Variants in POLR1E observed in about 807,000 individuals in gnomAD.
POLR1E encodes DNA-directed RNA polymerase I subunit RPA49.
In POLR1E, 37 loss-of-function variants were observed where a neutral mutation model predicts 50.9. That is an observed-to-expected ratio of 0.73 (90% CI 0.56 to 0.96). The LOEUF is 0.96. Ranked by LOEUF, POLR1E falls within the 40% of genes least tolerant of loss-of-function variation. POLR1E has a pLI of 0.00. For missense variants in POLR1E, 426 were observed against 518.1 expected, an observed-to-expected ratio of 0.82 and a Z score of 1.73; for synonymous variants, 166 against 191.6, an observed-to-expected ratio of 0.87 and a Z score of 1.10.
At chr9:37,489,235 C>CAA (rs533858952) in intron 3 of POLR1E, 80 bp from the exon 4 acceptor site, 37,787 of 912,004 alleles carry the variant, frequency 0.041, 378 homozygotes, top group African/African-American at 0.11. Flanking sequence ...GACTCTGTCT[C>CAA]AAAAAAAAAA....
chr9:37,500,333 C>T (rs1273506062), intron 9 of POLR1E, among the ~76,000 whole-genome samples: 7 of 151,714 alleles, frequency 4.6e-5, no homozygotes, highest in Admixed American at 3.3e-4. Flanking sequence ...TAGAGGTTTG[C>T]GCCACCATAC....
intron 3 of POLR1E, among the ~76,000 whole-genome samples, chr9:37,488,695 C>T (rs566976577): frequency 2.0e-5 from 3 of 152,174 alleles, no homozygotes; most frequent in East Asian, 3.9e-4. Flanking sequence ...ATTCTAGGTT[C>T]GTACACCCCA....
At chr9:37,489,424 A>G (rs898647850) in intron 4 of POLR1E, 24 bp downstream of exon 4, 6 of 1,536,708 alleles carry the variant, frequency 3.9e-6, no homozygotes, top group Non-Finnish European at 5.3e-6. Context: ...ATGAAAGCTG[A>G]CAGAAATAAT....
rs867825256 is a variant in POLR1E at position 37,495,035 on chromosome 9, C to T, written c.548-134C>T. On this transcript the variant is annotated intron_variant, in intron 6 of 11. Coordinates refer to ENST00000377798, the MANE Select transcript of POLR1E (RefSeq NM_022490.4). ...TGAAGCAGTCAGCCTGATGGGGAGG[C>T]GAGGTCACTTTGGCAGAAGCATTTA... The T allele has an allele frequency of 8.7e-5, 61 of 701,664 alleles. 1 individual carries two copies. In the Middle Eastern group the frequency reaches 4.4e-3, roughly 50 times the overall value. The allele number at this position is 701,664 out of a possible 1,614,324, so 43.5% of individuals were successfully genotyped here.
At chr9:37,492,498 T>C (rs1040425883) in intron 4 of POLR1E, 159 bp from the exon 5 acceptor site, 16 of 822,546 alleles carry the variant, frequency 1.9e-5, no homozygotes, top group Non-Finnish European at 3.1e-5. Context: ...TAAAGCTGCA[T>C]ATTAAATATT....
intron 11 of POLR1E, 25 bp from the exon 12 acceptor site, chr9:37,503,018 G>T (rs531604423): frequency 1.3e-6 from 2 of 1,597,608 alleles, no homozygotes; most frequent in East Asian, 2.2e-5. Context: ...GGTCTCTCCA[G>T]TTCTTCTGTT....
In POLR1E at chr9:37,487,852, CT is replaced by C. The variant is rs1335743823; in HGVS notation, c.181-10del. The C allele has an allele frequency of 6.2e-7, 1 of 1,613,898 alleles. No homozygotes were observed. Among genetic ancestry groups the C allele is most frequent in the Admixed American group, 1.7e-5 (1 of 60,028 alleles). ...TGGTTGTAAATGGAGTTTCCCCTCTCTGCATTTTAGGCAGCTGAAACAGATA... is the reference window on the plus strand; with the variant it reads ...TGGTTGTAAATGGAGTTTCCCCTCTCGCATTTTAGGCAGCTGAAACAGATA... On this transcript the variant is annotated splice_polypyrimidine_tract_variant and intron_variant, in intron 2 of 11. Coordinates refer to ENST00000377798, the MANE Select transcript of POLR1E (RefSeq NM_022490.4).
intron 8 of POLR1E, among the ~76,000 whole-genome samples, chr9:37,497,372 A>AACAC (rs776497820): frequency 1.3e-5 from 2 of 151,584 alleles, no homozygotes; most frequent in Non-Finnish European, 3.0e-5. Flanking sequence ...CAAACAAACA[A>AACAC]ACAAAAAAAG....
In POLR1E at chr9:37,494,567, G is replaced by A. The variant is rs571845304; in HGVS notation, c.548-602G>A. Among the ~76,000 whole-genome samples the A allele has an allele frequency of 2.6e-5, 4 of 152,146 alleles. No homozygotes were observed. In the South Asian group the frequency reaches 8.3e-4, roughly 32 times the overall value. ...ATCCTCCTACTTCAGCCTCCCAAGT[G>A]GCTGGGATCACAGATGTGTGCCACC... On this transcript the variant is annotated intron_variant, in intron 6 of 11. Coordinates refer to ENST00000377798, the MANE Select transcript of POLR1E (RefSeq NM_022490.4).
At position 37,487,740 on chromosome 9, in the gene POLR1E, T is replaced by C. The variant is rs1820604475; in HGVS notation, c.181-123T>C. 6 of 898,672 alleles carry C rather than the reference T, an allele frequency of 6.7e-6. No individual in the cohort carries two copies. In the East Asian group the frequency reaches 9.7e-5, roughly 15 times the overall value. 55.7% of individuals were successfully genotyped at this position (898,672 alleles called of 1,614,324 possible). On this transcript the variant is annotated intron_variant, in intron 2 of 11. Transcript: ENST00000377798. Reference sequence around the variant, plus strand: ...GTGGGGCTGGATCATCTGCCAGAGATGAACTAGTTCTAATCCATTGTGAGT... The same window carrying C: ...GTGGGGCTGGATCATCTGCCAGAGACGAACTAGTTCTAATCCATTGTGAGT...
intron 8 of POLR1E, among the ~76,000 whole-genome samples, chr9:37,496,938 C>T (rs1474324660): frequency 6.6e-6 from 1 of 152,124 alleles, no homozygotes; most frequent in African/African-American, 2.4e-5. Flanking sequence ...ACATTTTTGC[C>T]AAGCACTGTT....
In POLR1E at chr9:37,486,027, C is replaced by G. The variant is rs1440055678; in HGVS notation, c.-21C>G. On this transcript the variant is annotated 5_prime_UTR_variant, in exon 1 of 12. Coordinates refer to ENST00000377798, the MANE Select transcript of POLR1E (RefSeq NM_022490.4). The stretch of plus-strand genomic sequence containing the variant: ...GGCTGCTGCTGTCTTAACTCCTGTG[C>G]TTGGCGGACAGACAGGCGAGATGGC... The G allele has an allele frequency of 4.4e-6, 7 of 1,592,962 alleles. No individual in the cohort carries two copies. Among genetic ancestry groups the G allele is most frequent in the Non-Finnish European group, 6.0e-6 (7 of 1,171,810 alleles).
chr9:37,502,574 G>C (rs1820909649), intron 11 of POLR1E, among the ~76,000 whole-genome samples: 1 of 152,218 alleles, frequency 6.6e-6, no homozygotes, highest in African/African-American at 2.4e-5. Flanking sequence ...CAGTGGCCCA[G>C]AGGGTGTCTA....
In POLR1E at chr9:37,493,693, G is replaced by A. The variant is rs1051597714; in HGVS notation, c.537G>A (p.Lys179=). 1.9e-6 allele frequency: 3 copies of A among 1,547,398 alleles called. No homozygotes were observed. The African/African-American group carries it at 4.1e-5, about 21-fold the overall frequency. ...AKAAETIIDT[K]GVTALVSDAI... The stretch of plus-strand genomic sequence containing the variant: ...CTGCAGAGACTATCATTGATACGAA[G>A]GGTGTGACTGGTAAGAAGTTGGAAC... The change falls in exon 6 of 12, where the codon AAG becomes AAA. Residue 179 remains lysine, a synonymous_variant. Transcript: ENST00000377798.
At chr9:37,493,532 C>T (rs10814566) in intron 5 of POLR1E, 27 bp from the exon 6 acceptor site, 333,295 of 1,542,348 alleles carry the variant, frequency 0.22, 37,926 homozygotes, top group Admixed American at 0.33. Context: ...GTCCTGTCCC[C>T]AGTAACCAGG....
At chr9:37,492,370 C>T (rs10758433) in intron 4 of POLR1E, 200,753 of 1,229,116 alleles carry the variant, frequency 0.16, 17,969 homozygotes, top group Admixed American at 0.27. Context: ...GGTGAACTGA[C>T]CTGGGGCAAG....
chr9:37,488,051 T>A (rs1820610397), intron 3 of POLR1E, 112 bp downstream of exon 3: 1 of 1,014,018 alleles, frequency 9.9e-7, no homozygotes, highest in African/African-American at 1.6e-5. Context: ...TCTAGAGAGG[T>A]TTACTAGGTG....
rs891404517 is a variant in POLR1E, at chr9:37,495,289, C to T, written c.655+13C>T. 2 of 1,599,050 alleles carry T rather than the reference C, an allele frequency of 1.3e-6. No homozygotes were observed. Among genetic ancestry groups the T allele is most frequent in the East Asian group, 2.2e-5 (1 of 44,808 alleles). ...AAATTTGAAGATCGTATCCTTCTTG[C>T]AGTAGAAAAGCTGCCTTATTTCACA... is the stretch of plus-strand genomic sequence containing the variant. On this transcript the variant is annotated intron_variant, in intron 7 of 11. Coordinates refer to ENST00000377798, the MANE Select transcript of POLR1E (RefSeq NM_022490.4).
chr9:37,501,829 A>C lies in POLR1E; in HGVS notation c.1085A>C (p.Lys362Thr), dbSNP rs753720025. 1.2e-6 allele frequency: 2 copies of C among 1,613,794 alleles called. No homozygotes were observed. The highest frequency in any genetic ancestry group is 1.7e-6 in the Non-Finnish European group (2 of 1,179,950). ...CTGACAGTGTTACAGAGGGACTTGA[A>C]GCTCAGTGAGAAAAGGTGAGCACAA... Reference protein sequence around the residue: ...IDLTVLQRDLKLSEKRMMEIA... With the variant: ...IDLTVLQRDLTLSEKRMMEIA... Residue 362 changes from lysine to threonine, a missense_variant, in exon 11 of 12, where the codon AAG becomes ACG. Transcript: ENST00000377798.
Sources: allele counts gnomAD v4.1 joint callset (sites outside exome capture counted in the v4.1 genomes callset), GRCh38; gene constraint gnomAD v4.1.1; transcripts MANE v1.5; gene names NCBI Gene and HGNC (gene_info 2026-07-23, HGNC 2026-07-21).